The following PLPP3 variants were observed in gnomAD, a reference collection of about 807,000 sequenced individuals.
PLPP3 encodes phospholipid phosphatase 3.
Under a neutral mutation model 29.6 loss-of-function variants are expected in PLPP3, and 6 were observed. That is an observed-to-expected ratio of 0.20 (90% CI 0.11 to 0.40). The LOEUF (loss-of-function observed/expected upper bound fraction) is 0.40, where lower values mean the gene tolerates loss of function less well. Among genes scored for constraint, PLPP3 ranks in the 10% least tolerant of loss-of-function variants. The pLI, the probability that PLPP3 is intolerant of heterozygous loss-of-function variation, is 1.00. For synonymous variants in PLPP3, 152 were observed against 159.7 expected, an observed-to-expected ratio of 0.95 and a Z score of 0.36; for missense variants, 308 against 407.7, an observed-to-expected ratio of 0.76 and a Z score of 2.11.
chr1:56,566,553 A>T (rs1207127357), intron 1 of PLPP3, among the ~76,000 whole-genome samples: 1 of 152,196 alleles, frequency 6.6e-6, no homozygotes, highest in East Asian at 1.9e-4. Flanking sequence ...TATTTAGTCA[A>T]GCTTGAGTCC....
intron 5 of PLPP3, among the ~76,000 whole-genome samples, chr1:56,496,907 G>A (rs1298341112): frequency 6.6e-6 from 1 of 152,192 alleles, no homozygotes; most frequent in African/African-American, 2.4e-5. Context: ...CACTGGTTCA[G>A]TAGAATCCAC....
intron 5 of PLPP3, among the ~76,000 whole-genome samples, chr1:56,508,465 T>A (rs1314337070): frequency 1.3e-5 from 2 of 152,216 alleles, no homozygotes. Context: ...GAAAATGGAT[T>A]CTGTGTTTCT....
At chr1:56,519,604 T>G (rs1162588663) in intron 4 of PLPP3, among the ~76,000 whole-genome samples, 1 of 152,156 alleles carries the variant, frequency 6.6e-6, no homozygotes, top group Non-Finnish European at 1.5e-5. Flanking sequence ...TCTGCCCTGG[T>G]GTTGACATTT....
At chr1:56,525,307 G>A (rs1157904016) in intron 2 of PLPP3, among the ~76,000 whole-genome samples, 1 of 152,160 alleles carries the variant, frequency 6.6e-6, no homozygotes, top group Non-Finnish European at 1.5e-5. Flanking sequence ...CTTGTAGTAC[G>A]ATGCCCTTCA....
chr1:56,569,172 G>A (rs916020061), intron 1 of PLPP3, among the ~76,000 whole-genome samples: 64 of 151,808 alleles, frequency 4.2e-4, no homozygotes, highest in African/African-American at 1.5e-3. Context: ...CTAGCCTTTA[G>A]TTTTTTGTTT....
intron 1 of PLPP3, among the ~76,000 whole-genome samples, chr1:56,557,032 G>GAGAAAGAA (rs1646086289): frequency 9.0e-5 from 1 of 11,100 alleles, no homozygotes; most frequent in African/African-American, 1.9e-4. Context: ...GAGAAAGAGA[G>GAGAAAGAA]AGAGAGAGAG....
At chr1:56,541,961 A>G (rs1645972513) in intron 1 of PLPP3, among the ~76,000 whole-genome samples, 2 of 123,542 alleles carry the variant, frequency 1.6e-5, no homozygotes, top group African/African-American at 6.5e-5. Context: ...TTTGCAAAGC[A>G]TGACCAAAAA....
chr1:56,567,487 TC>T (rs1646169321), intron 1 of PLPP3, among the ~76,000 whole-genome samples: 1 of 140,222 alleles, frequency 7.1e-6, no homozygotes, highest in Non-Finnish European at 1.5e-5. Flanking sequence ...AAGCTCTGCC[TC>T]CCGGGTTCAT....
chr1:56,531,542 GC>G (rs1645888528), intron 2 of PLPP3, among the ~76,000 whole-genome samples: 1 of 152,182 alleles, frequency 6.6e-6, no homozygotes, highest in Non-Finnish European at 1.5e-5. Context: ...TCAATCTTGG[GC>G]AGTCATCTGC....
chr1:56,557,013 AG>A (rs1557513533), intron 1 of PLPP3, among the ~76,000 whole-genome samples: 52 of 15,030 alleles, frequency 3.5e-3, no homozygotes, highest in Admixed American at 5.2e-3. Context: ...AAAGAAAGAG[AG>A]AGAGAGAGAG....
In PLPP3 at chr1:56,551,365, C is replaced by T. The variant is rs1227762171; in HGVS notation, c.140-14253G>A. Among the ~76,000 whole-genome samples the T allele has an allele frequency of 2.8e-5, 4 of 142,190 alleles. No individual in the cohort carries two copies. In the Admixed American group the frequency reaches 2.9e-4, roughly 10 times the overall value. 93.3% of individuals were successfully genotyped at this position (142,190 alleles called of 152,430 possible). On this transcript the variant is annotated intron_variant, in intron 1 of 5. Coordinates refer to ENST00000371250, the MANE Select transcript of PLPP3 (RefSeq NM_003713.5). ...GCAGACCTAGATACAAGTCCCTCCC[C>T]TTCCACCTCTGCCAAGTCCTGGCAG...
chr1:56,548,919 T>A (rs1646022218), intron 1 of PLPP3, among the ~76,000 whole-genome samples: 1 of 151,794 alleles, frequency 6.6e-6, no homozygotes, highest in South Asian at 2.1e-4. Flanking sequence ...GATCCAGAAC[T>A]GAAAAGGTTT....
chr1:56,496,747 G>A, intron 5 of PLPP3, 71 bp from the exon 6 acceptor site: 1 of 1,563,468 alleles, frequency 6.4e-7, no homozygotes, highest in Non-Finnish European at 8.7e-7. Flanking sequence ...GAAAAGGAAG[G>A]TCAGAGGAGC....
chr1:56,573,025 T>G (rs906431477), intron 1 of PLPP3, among the ~76,000 whole-genome samples: 2 of 152,240 alleles, frequency 1.3e-5, no homozygotes, highest in Non-Finnish European at 2.9e-5. Flanking sequence ...AAGCTTGTAT[T>G]GTTTCTACAC....
intron 1 of PLPP3, among the ~76,000 whole-genome samples, chr1:56,539,268 G>A (rs1489314988): frequency 6.6e-6 from 1 of 152,052 alleles, no homozygotes; most frequent in Non-Finnish European, 1.5e-5. Context: ...TTTTCAAAAA[G>A]AATTAAATTC....
intron 1 of PLPP3, among the ~76,000 whole-genome samples, chr1:56,550,498 G>A (rs1351244098): frequency 6.6e-6 from 1 of 152,146 alleles, no homozygotes; most frequent in Non-Finnish European, 1.5e-5. Flanking sequence ...GGGACAGAAT[G>A]TCTAGAGTCC....
chr1:56,540,109 G>C (rs1234034361), intron 1 of PLPP3, among the ~76,000 whole-genome samples: 1 of 152,088 alleles, frequency 6.6e-6, no homozygotes, highest in Admixed American at 6.5e-5. Context: ...TCTTGACTCT[G>C]CTCCCTACTA....
chr1:56,529,706 T>C (rs1273319216), intron 2 of PLPP3, among the ~76,000 whole-genome samples: 1 of 152,202 alleles, frequency 6.6e-6, no homozygotes, highest in Non-Finnish European at 1.5e-5. Context: ...AAATAGTTGA[T>C]TGGAAATTTA....
At chr1:56,570,787 T>C (rs1487090967) in intron 1 of PLPP3, among the ~76,000 whole-genome samples, 1 of 152,076 alleles carries the variant, frequency 6.6e-6, no homozygotes, top group Non-Finnish European at 1.5e-5. Context: ...TTTGAAAACA[T>C]GGAGTCTCTT....
Sources: allele counts gnomAD v4.1 joint callset (sites outside exome capture counted in the v4.1 genomes callset), GRCh38; gene constraint gnomAD v4.1.1; transcripts MANE v1.5; gene names NCBI Gene and HGNC (gene_info 2026-07-23, HGNC 2026-07-21).